Variants in RUNDC3A observed in about 807,000 individuals in gnomAD.
RUNDC3A encodes the protein RUN domain containing 3A.
Under a neutral mutation model 53.9 loss-of-function variants are expected in RUNDC3A, and 28 were observed. The observed-to-expected ratio is 0.52, with a 90% CI of 0.38 to 0.71. The LOEUF is 0.71. Among genes scored for constraint, RUNDC3A ranks in the 30% least tolerant of loss-of-function variants. RUNDC3A has a pLI of 0.00. For synonymous variants in RUNDC3A, 232 were observed against 249.4 expected (o/e 0.93, Z 0.66); for missense variants, 491 against 597.3 (o/e 0.82, Z 1.85).
intron 4 of RUNDC3A, chr17:44,314,333 C>T: frequency 1.9e-6 from 2 of 1,030,272 alleles, no homozygotes; most frequent in Non-Finnish European, 1.2e-6. Context: ...CATATACCTC[C>T]CCATCCCAAT....
chr17:44,308,804 G>A lies in RUNDC3A; in HGVS notation c.-29G>A. The A allele has an allele frequency of 2.0e-6, 3 of 1,488,298 alleles. No homozygotes were observed. The highest frequency in any genetic ancestry group is 2.8e-6 in the Non-Finnish European group (3 of 1,089,292). 92.2% of individuals were successfully genotyped at this position (1,488,298 alleles called of 1,614,324 possible). ...CTCCGGGAGGGGTGGGGGGGCAGCG[G>A]GCGGCGGCAGCAGTGGCCGCACATC... On this transcript the variant is annotated 5_prime_UTR_variant, in exon 1 of 11. Transcript: ENST00000426726.
rs2047689234 is a variant in RUNDC3A, at chr17:44,308,725, T to C, written c.-108T>C. On this transcript the variant is annotated 5_prime_UTR_variant, in exon 1 of 11. Coordinates refer to ENST00000426726, the MANE Select transcript of RUNDC3A (RefSeq NM_001144825.2). Reference sequence around the variant, plus strand: ...GGCAGGGGGATGGCCATGGAAGGGTTGAGGGGCCCCGTCGGACAGAGGGCC... The same window carrying C: ...GGCAGGGGGATGGCCATGGAAGGGTCGAGGGGCCCCGTCGGACAGAGGGCC... 1.1e-5 allele frequency: 7 copies of C among 640,090 alleles called. No homozygotes were observed. In the East Asian group the frequency reaches 2.2e-4, roughly 20 times the overall value. 39.7% of individuals were successfully genotyped at this position (640,090 alleles called of 1,614,324 possible).
At chr17:44,317,729 T>C (rs1419028572) in intron 10 of RUNDC3A, 1 of 616,244 alleles carries the variant, frequency 1.6e-6, no homozygotes, top group Non-Finnish European at 2.9e-6. Flanking sequence ...TGATTGTCTG[T>C]GTGTCTGTCT....
At chr17:44,309,671 T>G (rs2047713152) in intron 1 of RUNDC3A, among the ~76,000 whole-genome samples, 1 of 152,098 alleles carries the variant, frequency 6.6e-6, no homozygotes, top group Non-Finnish European at 1.5e-5. Flanking sequence ...CATGGCCAGC[T>G]GCTCAGCCAC....
chr17:44,316,307 T>C, intron 8 of RUNDC3A, 78 bp from the exon 9 acceptor site: 1 of 1,397,578 alleles, frequency 7.2e-7, no homozygotes, highest in Non-Finnish European at 9.9e-7. Flanking sequence ...TCCTGACCCC[T>C]CCCTCATCCC....
In RUNDC3A at chr17:44,308,805, G is replaced by A; in HGVS notation, c.-28G>A. 1 of 1,492,854 alleles carries A rather than the reference G, an allele frequency of 6.7e-7. No individual in the cohort carries two copies. The highest frequency in any genetic ancestry group is 9.2e-7 in the Non-Finnish European group (1 of 1,092,620). The allele number at this position is 1,492,854 out of a possible 1,614,324, so 92.5% of individuals were successfully genotyped here. ...TCCGGGAGGGGTGGGGGGGCAGCGG[G>A]CGGCGGCAGCAGTGGCCGCACATCT... On this transcript the variant is annotated 5_prime_UTR_variant, in exon 1 of 11. Coordinates refer to ENST00000426726, the MANE Select transcript of RUNDC3A (RefSeq NM_001144825.2).
chr17:44,317,795 G>T, intron 10 of RUNDC3A: 1 of 596,922 alleles, frequency 1.7e-6, no homozygotes, highest in Non-Finnish European at 3.0e-6. Flanking sequence ...TCCGTTCTCT[G>T]TATCCCCAGT....
At position 44,318,268 on chromosome 17, in the gene RUNDC3A, T is replaced by C. The variant is rs2047915432; in HGVS notation, c.*30T>C. ...CAGCATGGGCAGTGCCAGCCCCACCTGCCAGGGGCCATGGACACCTGCCAC... is the reference window on the plus strand; with the variant it reads ...CAGCATGGGCAGTGCCAGCCCCACCCGCCAGGGGCCATGGACACCTGCCAC... On this transcript the variant is annotated 3_prime_UTR_variant, in exon 11 of 11. Coordinates refer to ENST00000426726, the MANE Select transcript of RUNDC3A (RefSeq NM_001144825.2). 1 of 1,534,970 alleles carries C rather than the reference T, an allele frequency of 6.5e-7. No homozygotes were observed. Among genetic ancestry groups the C allele is most frequent in the East Asian group, 2.5e-5 (1 of 40,452 alleles).
chr17:44,308,644 T>C lies in RUNDC3A; in HGVS notation c.-189T>C, dbSNP rs1378583125. Reference sequence around the variant, plus strand: ...GGAGAGCTCCCTCCCCGGCCTTGTTTTGCTCTGGCATCGCCGCCGGGGGAG... The same window carrying C: ...GGAGAGCTCCCTCCCCGGCCTTGTTCTGCTCTGGCATCGCCGCCGGGGGAG... On this transcript the variant is annotated 5_prime_UTR_variant, in exon 1 of 11. Coordinates refer to ENST00000426726, the MANE Select transcript of RUNDC3A (RefSeq NM_001144825.2). 6.5e-6 allele frequency: 3 copies of C among 458,336 alleles called. No individual in the cohort carries two copies. The highest frequency in any genetic ancestry group is 7.7e-6 in the Non-Finnish European group (2 of 259,838). 28.4% of individuals were successfully genotyped at this position (458,336 alleles called of 1,614,324 possible).
chr17:44,310,604 C>A, intron 1 of RUNDC3A: 1 of 670,068 alleles, frequency 1.5e-6, no homozygotes, highest in Non-Finnish European at 1.8e-6. Flanking sequence ...ACATGGTTTG[C>A]CTCCAGCTCC....
rs1429902795 is a variant in RUNDC3A at position 44,318,168 on chromosome 17, C to T, written c.1271C>T (p.Ala424Val). ...LASIPSCKSL[A>V]SFKSNECLVS... Reference sequence around the variant, plus strand: ...TCCATTCCCAGCTGCAAGTCCCTGGCGAGCTTCAAATCCAACGAGTGCCTG... The same window carrying T: ...TCCATTCCCAGCTGCAAGTCCCTGGTGAGCTTCAAATCCAACGAGTGCCTG... The change falls in exon 11 of 11, where the codon GCG becomes GTG. Residue 424 changes from alanine to valine, a missense_variant. This residue lies in a region of RUNDC3A where 218 missense variants were observed against 208.2 expected (regional missense o/e 1.05). Coordinates refer to ENST00000426726, the MANE Select transcript of RUNDC3A (RefSeq NM_001144825.2). 27 of 1,551,386 alleles carry T rather than the reference C, an allele frequency of 1.7e-5. No individual in the cohort carries two copies. The highest frequency in any genetic ancestry group is 2.4e-5 in the East Asian group (1 of 40,928).
chr17:44,313,621 C>T, intron 4 of RUNDC3A, 118 bp downstream of exon 4: 1 of 1,437,084 alleles, frequency 7.0e-7, no homozygotes, highest in Non-Finnish European at 9.2e-7. Flanking sequence ...AGTCCCAGCA[C>T]CAGCACACAT....
chr17:44,311,074 C>T, intron 1 of RUNDC3A: 4 of 985,278 alleles, frequency 4.1e-6, no homozygotes, highest in Admixed American at 6.1e-5. Flanking sequence ...GGCCCAAGGC[C>T]ACGTGAGTGC....
rs1048521266 is a variant in RUNDC3A, at chr17:44,315,293, G to A, written c.768G>A (p.Gln256=). The change falls in exon 7 of 11, where the codon CAG becomes CAA. Residue 256 remains glutamine, a synonymous_variant. Transcript: ENST00000426726. The surrounding 1 kb of genome is among the most constrained non-coding windows in gnomAD (Gnocchi z 6.1). ...ACAGCAAGTGGCACAAGATGGAGCA[G>A]AAGTTCCGCATCGTCTACGCGCAGA... ...SWYSKWHKME[Q]KFRIVYAQKG... is the part of the protein sequence containing the mutation. 2 of 1,536,166 alleles carry A rather than the reference G, an allele frequency of 1.3e-6. No homozygotes were observed. Among genetic ancestry groups the A allele is most frequent in the Non-Finnish European group, 1.8e-6 (2 of 1,139,184 alleles).
chr17:44,309,416 G>A (rs1399343608), intron 1 of RUNDC3A, among the ~76,000 whole-genome samples: 1 of 152,164 alleles, frequency 6.6e-6, no homozygotes. Context: ...TTGGGCATGG[G>A]GTCAGAGCCC....
rs1483631613 is a variant in RUNDC3A, at chr17:44,318,361, T to C, written c.*123T>C. ...AGAACGCTACCCACCCAGCCAGGGT[T>C]CTCTCGGGGAAGATCTCGTCTGCTC... On this transcript the variant is annotated 3_prime_UTR_variant, in exon 11 of 11. Transcript: ENST00000426726. 2 of 1,121,676 alleles carry C rather than the reference T, an allele frequency of 1.8e-6. No individual in the cohort carries two copies. The highest frequency in any genetic ancestry group is 4.5e-5 in the Admixed American group (2 of 44,562). 69.5% of individuals were successfully genotyped at this position (1,121,676 alleles called of 1,614,324 possible). A position where few individuals can be genotyped will look rare whatever the true frequency, so the allele number is the denominator to read the frequency against.
intron 4 of RUNDC3A, 47 bp from the exon 5 acceptor site, chr17:44,314,688 G>GGGCC: frequency 5.4e-6 from 5 of 930,996 alleles, no homozygotes; most frequent in Non-Finnish European, 6.1e-6. Flanking sequence ...GGGGGGGGGG[G>GGGCC]CGCTCCAGGG....
At chr17:44,312,507 C>T in intron 1 of RUNDC3A, 73 bp from the exon 2 acceptor site, 1 of 834,970 alleles carries the variant, frequency 1.2e-6, no homozygotes, top group Non-Finnish European at 2.0e-6. Flanking sequence ...GCCGGTTGCT[C>T]CCTGTCTCTC....
At position 44,315,696 on chromosome 17, in the gene RUNDC3A, AAC is replaced by A; in HGVS notation, c.953+89_953+90del. The A allele has an allele frequency of 8.1e-7, 1 of 1,229,420 alleles. No individual in the cohort carries two copies. Among genetic ancestry groups the A allele is most frequent in the Non-Finnish European group, 1.1e-6 (1 of 947,584 alleles). 76.2% of individuals were successfully genotyped at this position (1,229,420 alleles called of 1,614,324 possible). ...CCCCATCTTCACTTCCATCGACTCTAACATCACCCGACACGAGCACCCACCTC... is the reference window on the plus strand; with the variant it reads ...CCCCATCTTCACTTCCATCGACTCTAATCACCCGACACGAGCACCCACCTC... On this transcript the variant is annotated intron_variant, in intron 8 of 10. Coordinates refer to ENST00000426726, the MANE Select transcript of RUNDC3A (RefSeq NM_001144825.2). The surrounding 1 kb of genome is among the most constrained non-coding windows in gnomAD (Gnocchi z 6.1).
Sources: gnomAD v4.1 joint callset for allele counts (sites outside exome capture counted in the v4.1 genomes callset) on GRCh38, gnomAD v4.1.1 for gene constraint, gnomAD v4.1.1 regional missense constraint, Gnocchi (gnomAD v3.1) non-coding constraint, MANE v1.5 for transcripts, NCBI Gene and HGNC (gene_info 2026-07-23, HGNC 2026-07-21) for gene names.